PDE8A: variants seen among roughly 807,000 people sequenced by gnomAD.
PDE8A encodes the protein high affinity cAMP-specific and IBMX-insensitive 3',5'-cyclic phosphodiesterase 8A.
In PDE8A, 59 loss-of-function variants were observed where a neutral mutation model predicts 105.0. The observed-to-expected ratio is 0.56, with a 90% CI of 0.46 to 0.70. PDE8A has a LOEUF of 0.70. Among genes scored for constraint, PDE8A ranks in the 30% least tolerant of loss-of-function variants. The pLI is 0.00. For synonymous variants in PDE8A, 355 were observed against 371.9 expected (o/e 0.95, Z 0.52); for missense variants, 1,014 against 1,045.9 (o/e 0.97, Z 0.42).
intron 11 of PDE8A, among the ~76,000 whole-genome samples, chr15:85,102,693 G>A (rs2081883641): frequency 6.6e-6 from 1 of 151,806 alleles, no homozygotes; most frequent in African/African-American, 2.4e-5. Flanking sequence ...TACAAAATTA[G>A]CCAGGCGTCG....
intron 16 of PDE8A, chr15:85,116,353 A>G (rs1596534681): frequency 5.8e-6 from 3 of 515,696 alleles, no homozygotes; most frequent in African/African-American, 1.9e-5. Flanking sequence ...TGACTTCTCC[A>G]AGTAGCACAG....
chr15:85,044,801 A>T (rs2080862737), intron 1 of PDE8A, among the ~76,000 whole-genome samples: 2 of 152,256 alleles, frequency 1.3e-5, no homozygotes, highest in South Asian at 4.1e-4. Flanking sequence ...GCAGCCAAAG[A>T]CATCTTTTTT....
intron 5 of PDE8A, among the ~76,000 whole-genome samples, chr15:85,080,942 G>T (rs1430846743): frequency 6.6e-6 from 1 of 152,212 alleles, no homozygotes; most frequent in Non-Finnish European, 1.5e-5. Flanking sequence ...TGTAGAGGTA[G>T]TGGCAGGCTC....
intron 11 of PDE8A, chr15:85,100,401 TG>T (rs1409616203): frequency 3.4e-6 from 2 of 588,114 alleles, no homozygotes; most frequent in African/African-American, 3.7e-5. Flanking sequence ...ATGGGTGCCC[TG>T]GGGCGGGTCT....
chr15:85,069,950 A>G (rs192300136), intron 3 of PDE8A, among the ~76,000 whole-genome samples: 62 of 152,266 alleles, frequency 4.1e-4, no homozygotes, highest in African/African-American at 1.4e-3. Flanking sequence ...TTTTGTCTTC[A>G]TTCTGGCCCT....
chr15:84,993,179 CAT>C (rs1362367287), intron 1 of PDE8A, among the ~76,000 whole-genome samples: 3 of 152,172 alleles, frequency 2.0e-5, no homozygotes, highest in African/African-American at 4.8e-5. Flanking sequence ...CGTGGTGGCT[CAT>C]GCCTGTAATC....
At chr15:84,981,275 G>C (rs2142127540), upstream of PDE8A, among the ~76,000 whole-genome samples, 1 of 152,280 alleles carries the variant, frequency 6.6e-6, no homozygotes, top group Admixed American at 6.5e-5. Flanking sequence ...GGCGGCGTCC[G>C]GAGGAGGTGG....
intron 1 of PDE8A, among the ~76,000 whole-genome samples, chr15:85,048,650 C>T (rs575789721): frequency 1.3e-5 from 2 of 152,308 alleles, no homozygotes; most frequent in African/African-American, 2.4e-5. Context: ...TTCATTTGCT[C>T]ATTGCTTTAA....
At chr15:85,108,084 C>T (rs941389638) in intron 11 of PDE8A, among the ~76,000 whole-genome samples, 1 of 152,150 alleles carries the variant, frequency 6.6e-6, no homozygotes, top group African/African-American at 2.4e-5. Flanking sequence ...GAGTTGTAGC[C>T]TTCAGATTTA....
intron 8 of PDE8A, among the ~76,000 whole-genome samples, chr15:85,092,650 A>G (rs778661573): frequency 2.0e-5 from 3 of 152,066 alleles, no homozygotes; most frequent in Non-Finnish European, 4.4e-5. Flanking sequence ...TGGGCCTTGT[A>G]CACCTTGATG....
intron 1 of PDE8A, among the ~76,000 whole-genome samples, chr15:85,027,556 A>ACCC (rs2080538913): frequency 6.6e-6 from 1 of 152,204 alleles, no homozygotes; most frequent in South Asian, 2.1e-4. Flanking sequence ...GCGTTTAGTT[A>ACCC]TTCCTACCCT....
rs921379792 is a variant in PDE8A at position 85,076,239 on chromosome 15, G to T, written c.491+321G>T. On this transcript the variant is annotated intron_variant, in intron 4 of 21. Transcript: ENST00000394553. Reference sequence around the variant, plus strand: ...TTCTAACTCCAAATATCTCTGAGGGGGGAATCTTAGGTTTTGTCTTTAAAT... The same window carrying T: ...TTCTAACTCCAAATATCTCTGAGGGTGGAATCTTAGGTTTTGTCTTTAAAT... 4.6e-5 allele frequency among the ~76,000 whole-genome samples: 7 copies of T among 152,060 alleles called. No individual in the cohort carries two copies. The East Asian group carries it at 1.3e-3, about 29-fold the overall frequency.
chr15:85,033,874 AAAAC>A (rs1301404439), intron 1 of PDE8A, among the ~76,000 whole-genome samples: 1 of 152,248 alleles, frequency 6.6e-6, no homozygotes, highest in Non-Finnish European at 1.5e-5. Flanking sequence ...CAAAAAAAGA[AAAAC>A]AAAAACACAA....
intron 5 of PDE8A, among the ~76,000 whole-genome samples, chr15:85,080,203 A>T (rs1479782968): frequency 1.3e-5 from 2 of 152,216 alleles, no homozygotes; most frequent in African/African-American, 4.8e-5. Flanking sequence ...TATTGATTAT[A>T]TAGCTGTGGC....
At chr15:85,134,151 T>C (rs1490482029) in intron 20 of PDE8A, among the ~76,000 whole-genome samples, 1 of 152,224 alleles carries the variant, frequency 6.6e-6, no homozygotes, top group Non-Finnish European at 1.5e-5. Flanking sequence ...AGAAGAAATC[T>C]AAGCACGAGG....
intron 1 of PDE8A, among the ~76,000 whole-genome samples, chr15:85,021,540 T>C (rs577679023): frequency 6.6e-6 from 1 of 152,044 alleles, no homozygotes; most frequent in South Asian, 2.1e-4. Flanking sequence ...CCTAGGCAAC[T>C]GAGCAGTACC....
rs764294179 is a variant in PDE8A at position 85,137,818 on chromosome 15, T to G, written c.2405T>G (p.Leu802Ter). The G allele has an allele frequency of 6.2e-7, 1 of 1,612,444 alleles. No individual in the cohort carries two copies. Among genetic ancestry groups the G allele is most frequent in the Non-Finnish European group, 8.5e-7 (1 of 1,178,400 alleles). ...CCAGCCTTTGTAGACCTGCCTGATTTAATGCAGCATCTTGACAACAACTTT... is the reference window on the plus strand; with the variant it reads ...CCAGCCTTTGTAGACCTGCCTGATTGAATGCAGCATCTTGACAACAACTTT... The part of the protein sequence containing the change: ...AWDAFVDLPD[L>*]MQHLDNNFKY... The change falls in exon 22 of 22, where the codon TTA becomes TGA. Residue 802 changes from leucine to a stop codon, truncating the protein, a stop_gained. Coordinates refer to ENST00000394553, the MANE Select transcript of PDE8A (RefSeq NM_002605.3). LOFTEE classifies it high-confidence loss of function.
intron 1 of PDE8A, among the ~76,000 whole-genome samples, chr15:85,010,019 A>C (rs529031212): frequency 6.6e-6 from 1 of 152,360 alleles, no homozygotes; most frequent in African/African-American, 2.4e-5. Context: ...GAAGCCAGAC[A>C]AAAAAAGATT....
chr15:85,072,774 G>A (rs938469946), intron 3 of PDE8A, among the ~76,000 whole-genome samples: 13 of 152,020 alleles, frequency 8.6e-5, no homozygotes, highest in African/African-American at 3.1e-4. Flanking sequence ...ATCTTGTGTG[G>A]CCAAAAGGAT....
Sources: gnomAD v4.1 joint callset for allele counts (sites outside exome capture counted in the v4.1 genomes callset) on GRCh38, gnomAD v4.1.1 for gene constraint, MANE v1.5 for transcripts, NCBI Gene and HGNC (gene_info 2026-07-23, HGNC 2026-07-21) for gene names.